The following OSM variants were observed in gnomAD, a reference collection of about 807,000 sequenced individuals.
OSM encodes the protein oncostatin M.
OSM carries 1 observed loss-of-function variant against 6.3 expected under a neutral mutation model. That is an observed-to-expected ratio of 0.16 (90% confidence interval 0.06 to 0.76). The LOEUF (loss-of-function observed/expected upper bound fraction) is 0.76, where lower values mean the gene tolerates loss of function less well. Ranked by LOEUF, OSM falls within the 30% of genes least tolerant of loss-of-function variation. The probability of loss-of-function intolerance (pLI) is 0.77; values close to 1 mark genes in which losing one functional copy is unlikely to be tolerated. For missense variants in OSM, 324 were observed against 336.9 expected, an observed-to-expected ratio of 0.96 and a Z score of 0.30; for synonymous variants, 135 against 143.4, an observed-to-expected ratio of 0.94 and a Z score of 0.42.
In OSM at chr22:30,265,004, A is replaced by G. The variant is rs1225794807; in HGVS notation, c.175T>C (p.Tyr59His). The G allele has an allele frequency of 7.4e-6, 12 of 1,613,736 alleles. No homozygotes were observed. Among genetic ancestry groups the G allele is most frequent in the Non-Finnish European group, 1.0e-5 (12 of 1,179,708 alleles). ...MQDTSRLLDP[Y>H]IRIQGLDVPK... ...GCCACAAGGGCCCAGGTGCTTACATAGGGGTCCAGGAGTCTGCTGGTGTCC... is the reference window on the plus strand; with the variant it reads ...GCCACAAGGGCCCAGGTGCTTACATGGGGGTCCAGGAGTCTGCTGGTGTCC... Residue 59 changes from tyrosine (Y) to histidine (H), a missense_variant and splice_region_variant, in exon 2 of 3, where the codon TAT becomes CAT. By Grantham distance (83) the Tyr-to-His change is moderately conservative. Transcript: ENST00000215781.
In OSM at chr22:30,266,198, G is replaced by C. The variant is rs953244600; in HGVS notation, c.34+568C>G. Among the ~76,000 whole-genome samples the C allele has an allele frequency of 6.6e-6, 1 of 152,218 alleles. No homozygotes were observed. The highest frequency in any genetic ancestry group is 2.4e-5 in the African/African-American group (1 of 41,460). ...CTGTGCATCTGGGTCTGTGTGCGGCGTGAGGGAGACCTGTTCCGTTCACCA... is the reference window on the plus strand; with the variant it reads ...CTGTGCATCTGGGTCTGTGTGCGGCCTGAGGGAGACCTGTTCCGTTCACCA... On this transcript the variant is annotated intron_variant, in intron 1 of 2. Coordinates refer to ENST00000215781, the MANE Select transcript of OSM (RefSeq NM_020530.6). This position sits in a 1 kb window ranked among gnomAD's most constrained non-coding sequence, Gnocchi z 5.0.
Position 30,265,428 on chromosome 22 carries a change from C to CTGCA in OSM, c.35-288_35-285dup, listed in dbSNP as rs1206124346. ...TACCAAGTAGGTCTTTGAGCAAAGG[C>CTGCA]TGCAGTGCCTGGCCGGATCCCAGTC... On this transcript the variant is annotated intron_variant, in intron 1 of 2. Transcript: ENST00000215781. 7 of 1,229,736 alleles carry CTGCA rather than the reference C, an allele frequency of 5.7e-6. No individual in the cohort carries two copies. The Admixed American group carries it at 1.0e-4, about 18-fold the overall frequency. The allele number at this position is 1,229,736 out of a possible 1,614,324, so 76.2% of individuals were successfully genotyped here.
In OSM at chr22:30,265,467, G is replaced by A. The variant is rs185331715; in HGVS notation, c.35-323C>T. On this transcript the variant is annotated intron_variant, in intron 1 of 2. Coordinates refer to ENST00000215781, the MANE Select transcript of OSM (RefSeq NM_020530.6). ...CGGATCCCAGTCCTGCCTACAGCAC[G>A]GTTCTAACCTCGGGAGCTGACTCTC... The A allele has an allele frequency of 5.6e-3, 5,912 of 1,052,684 alleles. 10 individuals are homozygous for A. Among genetic ancestry groups the A allele is most frequent in the Non-Finnish European group, 6.5e-3 (5,510 of 848,720 alleles). 65.2% of individuals were successfully genotyped at this position (1,052,684 alleles called of 1,614,324 possible). A position where few individuals can be genotyped will look rare whatever the true frequency, so the allele number is the denominator to read the frequency against.
intron 1 of OSM, 127 bp from the exon 2 acceptor site, chr22:30,265,271 G>A (rs567622088): frequency 3.7e-5 from 56 of 1,499,674 alleles, no homozygotes; most frequent in South Asian, 1.2e-4. Context: ...AGTGGAGGGC[G>A]GGGGCTGGGC....
At position 30,263,206 on chromosome 22, in the gene OSM, A is replaced by T. The variant is rs199823623; in HGVS notation, c.*677T>A. ...ACGTCAGGGAATCCAAGCAACCGAC[A>T]GGCAGTGGGGGCCTTGTACAGCCTC... On this transcript the variant is annotated 3_prime_UTR_variant, in exon 3 of 3. Coordinates refer to ENST00000215781, the MANE Select transcript of OSM (RefSeq NM_020530.6). The T allele has an allele frequency of 4.6e-5, 7 of 152,862 alleles. No individual in the cohort carries two copies. The South Asian group carries it at 1.4e-3, about 32-fold the overall frequency. The allele number at this position is 152,862 out of a possible 1,614,324, so 9.5% of individuals were successfully genotyped here. A position where few individuals can be genotyped will look rare whatever the true frequency, so the allele number is the denominator to read the frequency against.
In OSM at chr22:30,265,039, T is replaced by C. The variant is rs148386625; in HGVS notation, c.140A>G (p.Asp47Gly). ...GAGTCTGCTGGTGTCCTGCATGAGA[T>C]CTGTCTGCTTCTGGAGCTGGCCAAG... ...VLLGQLQKQT[D>G]LMQDTSRLLD... is the part of the protein sequence containing the mutation. Residue 47 changes from aspartate to glycine, a missense_variant, in exon 2 of 3, where the codon GAT becomes GGT. Asp to Gly is a moderately conservative substitution (Grantham distance 94). Transcript: ENST00000215781. 393 of 1,614,140 alleles carry C rather than the reference T, an allele frequency of 2.4e-4. 12 individuals carry two copies. In the East Asian group the frequency reaches 4.5e-3, roughly 18 times the overall value.
rs1481345489 is a variant in OSM, at chr22:30,265,049, T to C, written c.130A>G (p.Lys44Glu). The C allele has an allele frequency of 6.2e-7, 1 of 1,614,154 alleles. No homozygotes were observed. The highest frequency in any genetic ancestry group is 1.3e-5 in the African/African-American group (1 of 75,042). The change falls in exon 2 of 3, where the codon AAG becomes GAG. Residue 44 changes from lysine (K) to glutamate (E), a missense_variant. Transcript: ENST00000215781. ...EYRVLLGQLQ[K>E]QTDLMQDTSR... ...GTGTCCTGCATGAGATCTGTCTGCT[T>C]CTGGAGCTGGCCAAGGAGCACGCGG...
Position 30,265,108 on chromosome 22 carries a change from C to T in OSM, c.71G>A (p.Ser24Asn), listed in dbSNP as rs569483655. 1 of 1,614,136 alleles carries T rather than the reference C, an allele frequency of 6.2e-7. No homozygotes were observed. The highest frequency in any genetic ancestry group is 1.3e-5 in the African/African-American group (1 of 75,058). The change falls in exon 2 of 3, where the codon AGC becomes AAC. Residue 24 changes from serine to asparagine, a missense_variant. Coordinates refer to ENST00000215781, the MANE Select transcript of OSM (RefSeq NM_020530.6). ...VLALLFPSMASMAAIGSCSKE... is the reference protein window; with the variant it reads ...VLALLFPSMANMAAIGSCSKE... ...CGAGCAGCTGCCTATAGCCGCCATG[C>T]TCGCCATGCTTGGAAACAGGAGTGC...
chr22:30,265,515 G>A, intron 1 of OSM: 1 of 596,576 alleles, frequency 1.7e-6, no homozygotes, highest in Non-Finnish European at 2.2e-6. Context: ...CTGGCTCCCT[G>A]CAAGACCACT....
At chr22:30,264,938 C>A in intron 2 of OSM, 64 bp downstream of exon 2, 1 of 1,581,324 alleles carries the variant, frequency 6.3e-7, no homozygotes, top group East Asian at 2.3e-5. Context: ...CTCCCTGCTT[C>A]TCACTCCCTT....
Position 30,264,460 on chromosome 22 carries a change from C to T in OSM, c.182G>A (p.Arg61His), listed in dbSNP as rs199537919. The T allele has an allele frequency of 1.4e-5, 22 of 1,599,506 alleles. No individual in the cohort carries two copies. In the African/African-American group the frequency reaches 1.9e-4, roughly 14 times the overall value. ...DTSRLLDPYI[R>H]IQGLDVPKLR... is the part of the protein sequence containing the mutation. ...TTTAGGAACATCCAGGCCTTGGATA[C>T]GTATCTGGCGGGAACAGGAGGATCA... The change falls in exon 3 of 3, where the codon CGT becomes CAT. Residue 61 changes from arginine to histidine, a missense_variant. Physicochemically the swap from Arg to His is conservative, Grantham distance 29 (BLOSUM62 0). Transcript: ENST00000215781.
rs975596912 is a variant in OSM at position 30,266,153 on chromosome 22, G to C, written c.34+613C>G. Reference sequence around the variant, plus strand: ...GCCTGTGCCTGTGGCAGCGCACGTGGGACTGGGGTTTCTGTGTGGCTGTGC... The same window carrying C: ...GCCTGTGCCTGTGGCAGCGCACGTGCGACTGGGGTTTCTGTGTGGCTGTGC... On this transcript the variant is annotated intron_variant, in intron 1 of 2. Transcript: ENST00000215781. This position sits in a 1 kb window ranked among gnomAD's most constrained non-coding sequence, Gnocchi z 5.0. 3.3e-5 allele frequency among the ~76,000 whole-genome samples: 5 copies of C among 152,224 alleles called. No individual in the cohort carries two copies. Among genetic ancestry groups the C allele is most frequent in the Admixed American group, 6.5e-5 (1 of 15,290 alleles).
In OSM at chr22:30,263,932, G is replaced by C; in HGVS notation, c.710C>G (p.Pro237Arg). The change falls in exon 3 of 3, where the codon CCC becomes CGC. Residue 237 changes from proline to arginine, a missense_variant. Pro to Arg is a moderately radical substitution (Grantham distance 103, BLOSUM62 -2). Coordinates refer to ENST00000215781, the MANE Select transcript of OSM (RefSeq NM_020530.6). ...ALRKGVRRTR[P>R]SRKGKRLMTR... ...CATGAGTCTCTTGCCTTTCCTGGAG[G>C]GTCTGGTCCTGCGCACCCCCTTCCT... 6.6e-7 allele frequency: 1 copy of C among 1,512,114 alleles called. No homozygotes were observed. Among genetic ancestry groups the C allele is most frequent in the Non-Finnish European group, 8.8e-7 (1 of 1,131,318 alleles). The allele number at this position is 1,512,114 out of a possible 1,614,324, so 93.7% of individuals were successfully genotyped here. A position where few individuals can be genotyped will look rare whatever the true frequency, so the allele number is the denominator to read the frequency against.
chr22:30,263,792 T>G lies in OSM; in HGVS notation c.*91A>C, dbSNP rs1601652886. 1 of 1,079,556 alleles carries G rather than the reference T, an allele frequency of 9.3e-7. No homozygotes were observed. The highest frequency in any genetic ancestry group is 1.3e-6 in the Non-Finnish European group (1 of 769,816). 66.9% of individuals were successfully genotyped at this position (1,079,556 alleles called of 1,614,324 possible). ...GTGGCTAGTAGCAGAGGGGAACAGG[T>G]TTGGGGACCCGGGAGCTGTCATCCT... On this transcript the variant is annotated 3_prime_UTR_variant, in exon 3 of 3. Coordinates refer to ENST00000215781, the MANE Select transcript of OSM (RefSeq NM_020530.6).
rs200309149 is a variant in OSM, at chr22:30,264,108, G to T, written c.534C>A (p.Pro178=). 26 of 1,610,824 alleles carry T rather than the reference G, an allele frequency of 1.6e-5. No homozygotes were observed. In the Admixed American group the frequency reaches 3.0e-4, roughly 19 times the overall value. The change falls in exon 3 of 3, where the codon CCC becomes CCA. Residue 178 remains proline, a synonymous_variant. Coordinates refer to ENST00000215781, the MANE Select transcript of OSM (RefSeq NM_020530.6). ...AGRGASQPPT[P]TPASDAFQRK... ...GCTGAAAAGCATCCGAGGCAGGGGT[G>T]GGGGTGGGCGGCTGAGAGGCCCCCC...
intron 2 of OSM, among the ~76,000 whole-genome samples, chr22:30,264,724 C>A (rs1798699144): frequency 6.6e-6 from 1 of 152,194 alleles, no homozygotes; most frequent in African/African-American, 2.4e-5. Context: ...CTGCTACGTC[C>A]CAGTGCCTAG....
intron 1 of OSM, 165 bp from the exon 2 acceptor site, chr22:30,265,309 G>A: frequency 1.0e-6 from 1 of 985,462 alleles, no homozygotes; most frequent in Non-Finnish European, 1.2e-6. Flanking sequence ...GTGCCCAGGT[G>A]TGCCCACCAA....
In OSM at chr22:30,264,112, G is replaced by A. The variant is rs1929320098; in HGVS notation, c.530C>T (p.Thr177Ile). ...AAAAGCATCCGAGGCAGGGGTGGGG[G>A]TGGGCGGCTGAGAGGCCCCCCGGCC... ...KAGRGASQPP[T>I]PTPASDAFQR... The change falls in exon 3 of 3, where the codon ACC (threonine) becomes ATC (isoleucine). Residue 177 changes from threonine to isoleucine, a missense_variant. Physicochemically the swap from Thr to Ile is moderately conservative, Grantham distance 89 (BLOSUM62 -1). Coordinates refer to ENST00000215781, the MANE Select transcript of OSM (RefSeq NM_020530.6). 6.2e-7 allele frequency: 1 copy of A among 1,611,100 alleles called. No homozygotes were observed. The highest frequency in any genetic ancestry group is 1.3e-5 in the African/African-American group (1 of 75,032).
rs1929383590 is a variant in OSM, at chr22:30,266,035, T to C, written c.34+731A>G. ...CCGGCCCTTTGGGGAAGACTGGCTG[T>C]TGGGGAGGGCCAAGGGGCCAGGCAC... On this transcript the variant is annotated intron_variant, in intron 1 of 2. Coordinates refer to ENST00000215781, the MANE Select transcript of OSM (RefSeq NM_020530.6). This position sits in a 1 kb window ranked among gnomAD's most constrained non-coding sequence, Gnocchi z 5.0. 6.6e-6 allele frequency among the ~76,000 whole-genome samples: 1 copy of C among 152,236 alleles called. No individual in the cohort carries two copies. The highest frequency in any genetic ancestry group is 1.9e-4 in the East Asian group (1 of 5,198).
Sources: gnomAD v4.1 joint callset for allele counts (sites outside exome capture counted in the v4.1 genomes callset) on GRCh38, gnomAD v4.1.1 for gene constraint, Gnocchi (gnomAD v3.1) non-coding constraint, MANE v1.5 for transcripts, NCBI Gene and HGNC (gene_info 2026-07-23, HGNC 2026-07-21) for gene names.